ELFN1: variants seen among roughly 807,000 people sequenced by gnomAD.
The protein encoded by ELFN1 is protein ELFN1.
Under a neutral mutation model 7.6 loss-of-function variants are expected in ELFN1, and 6 were observed. The observed-to-expected ratio is 0.79, with a 90% CI of 0.43 to 1.56. The LOEUF is 1.56. Among genes scored for constraint, ELFN1 ranks in the 40% most tolerant of loss-of-function variants. The pLI is 0.01. For synonymous variants in ELFN1, 657 were observed against 588.1 expected, an observed-to-expected ratio of 1.12 and a Z score of -1.70; for missense variants, 1,169 against 1,232.2, an observed-to-expected ratio of 0.95 and a Z score of 0.77.
At chr7:1,674,091 AG>A in intron 1 of ELFN1, among the ~76,000 whole-genome samples, 1 of 147,052 alleles carries the variant, frequency 6.8e-6, no homozygotes, top group Non-Finnish European at 1.5e-5. Flanking sequence ...CCGGGCCGTG[AG>A]GGGTGCACAG....
rs948314759 is a variant in ELFN1 at position 1,740,372 on chromosome 7, G to A, written c.-293-3932G>A. Among the ~76,000 whole-genome samples the A allele has an allele frequency of 2.0e-5, 3 of 152,378 alleles. No homozygotes were observed. Among genetic ancestry groups the A allele is most frequent in the African/African-American group, 2.4e-5 (1 of 41,596 alleles). ...GGGGACCAGGGCTGGAGCTGGGTCTGTGAAGGACAGTAACGCCCATGCGGG... is the reference window on the plus strand; with the variant it reads ...GGGGACCAGGGCTGGAGCTGGGTCTATGAAGGACAGTAACGCCCATGCGGG... On this transcript the variant is annotated intron_variant, in intron 3 of 3. Transcript: ENST00000424383. The surrounding 1 kb of genome is among the most constrained non-coding windows in gnomAD (Gnocchi z 5.0).
upstream of ELFN1, among the ~76,000 whole-genome samples, chr7:1,669,836 G>C (rs945637977): frequency 6.6e-6 from 1 of 151,814 alleles, no homozygotes; most frequent in Admixed American, 6.6e-5. Context: ...CGGGTAGCTT[G>C]TTCAGCCAAC....
At chr7:1,717,780 G>T (rs1201725297) in intron 3 of ELFN1, among the ~76,000 whole-genome samples, 1 of 152,162 alleles carries the variant, frequency 6.6e-6, no homozygotes, top group African/African-American at 2.4e-5. Flanking sequence ...GGGATGGCCA[G>T]GGTGGGGCTG....
chr7:1,719,578 C>T (rs949950457), intron 3 of ELFN1, among the ~76,000 whole-genome samples: 3 of 152,310 alleles, frequency 2.0e-5, no homozygotes, highest in African/African-American at 7.2e-5. Flanking sequence ...CTACCTCAAC[C>T]GACAGAAGGA....
At chr7:1,700,153 C>T (rs772535007) in intron 2 of ELFN1, among the ~76,000 whole-genome samples, 4 of 152,114 alleles carry the variant, frequency 2.6e-5, no homozygotes, top group East Asian at 1.9e-4. Context: ...GTGAAAGGCC[C>T]GACATCCCCT....
chr7:1,679,465 G>A (rs939574255), intron 1 of ELFN1, among the ~76,000 whole-genome samples: 1 of 152,186 alleles, frequency 6.6e-6, no homozygotes, highest in Admixed American at 6.5e-5. Context: ...CCTGCTCTGG[G>A]GTCCCCTGCA....
In ELFN1 at chr7:1,745,733, C is replaced by T; in HGVS notation, c.1137C>T (p.Tyr379=). 1.9e-6 allele frequency: 3 copies of T among 1,551,420 alleles called. No individual in the cohort carries two copies. The highest frequency in any genetic ancestry group is 1.7e-6 in the Non-Finnish European group (2 of 1,147,076). The change falls in exon 4 of 4, where the codon TAC becomes TAT. Residue 379 remains tyrosine, a synonymous_variant. Transcript: ENST00000424383. The part of the protein sequence containing the change: ...TNLFTLTNYT[Y]CVVSTSAGLR... Reference sequence around the variant, plus strand: ...TGTTCACGCTCACCAACTACACCTACTGCGTGGTGTCCACCAGCGCCGGGC... The same window carrying T: ...TGTTCACGCTCACCAACTACACCTATTGCGTGGTGTCCACCAGCGCCGGGC...
At chr7:1,706,465 AAAAC>A in intron 2 of ELFN1, among the ~76,000 whole-genome samples, 1 of 150,200 alleles carries the variant, frequency 6.7e-6, no homozygotes, top group South Asian at 2.1e-4. Flanking sequence ...AAAACAAAAC[AAAAC>A]ACCCAGCAGT....
At chr7:1,723,965 T>C (rs949264072) in intron 3 of ELFN1, among the ~76,000 whole-genome samples, 1 of 152,164 alleles carries the variant, frequency 6.6e-6, no homozygotes, top group African/African-American at 2.4e-5. Context: ...CCCGGAAACA[T>C]GCCCACGCTG....
chr7:1,676,459 C>G (rs548345031), intron 1 of ELFN1, among the ~76,000 whole-genome samples: 1 of 152,242 alleles, frequency 6.6e-6, no homozygotes, highest in Non-Finnish European at 1.5e-5. Context: ...GAGCCTCGGC[C>G]TCTCCTCCGT....
intron 1 of ELFN1, among the ~76,000 whole-genome samples, chr7:1,671,573 AG>A (rs1778767959): frequency 6.6e-6 from 1 of 152,212 alleles, no homozygotes; most frequent in Non-Finnish European, 1.5e-5. Context: ...TGCCTCTCTC[AG>A]GGGCTGCCCC....
chr7:1,719,339 G>A (rs1186703943), intron 3 of ELFN1, among the ~76,000 whole-genome samples: 3 of 101,112 alleles, frequency 3.0e-5, no homozygotes, highest in African/African-American at 1.1e-4. Context: ...ACAGGGCCCC[G>A]CCCACCAACA....
intron 1 of ELFN1, among the ~76,000 whole-genome samples, chr7:1,677,850 G>A (rs1778901505): frequency 6.6e-6 from 1 of 152,086 alleles, no homozygotes; most frequent in South Asian, 2.1e-4. Context: ...GCTCCCGCGG[G>A]TTCCTGGTGG....
rs145908535 is a variant in ELFN1 at position 1,739,656 on chromosome 7, A to G, written c.-293-4648A>G. 2.8e-4 allele frequency: 44 copies of G among 154,902 alleles called. No homozygotes were observed. The highest frequency in any genetic ancestry group is 5.4e-4 in the Non-Finnish European group (38 of 69,796). 9.6% of individuals were successfully genotyped at this position (154,902 alleles called of 1,614,324 possible). On this transcript the variant is annotated intron_variant, in intron 3 of 3. Transcript: ENST00000424383. This position sits in a 1 kb window ranked among gnomAD's most constrained non-coding sequence, Gnocchi z 4.6. ...GTGGGGAAGGTGAAGGAGGCTGGAC[A>G]GAGAGGGCGGTGGCTGGGATGCTGG...
In ELFN1 at chr7:1,673,860, C is replaced by T. The variant is rs971204441; in HGVS notation, c.-549+3506C>T. Reference sequence around the variant, plus strand: ...AGCTGGAGCTGTGGCTGGACCAGGCCTCCACACCTGTAGAGCTGTCCTGGG... The same window carrying T: ...AGCTGGAGCTGTGGCTGGACCAGGCTTCCACACCTGTAGAGCTGTCCTGGG... On this transcript the variant is annotated intron_variant, in intron 1 of 3. Coordinates refer to ENST00000424383, the MANE Select transcript of ELFN1 (RefSeq NM_001128636.4). This position sits in a 1 kb window ranked among gnomAD's most constrained non-coding sequence, Gnocchi z 4.7. 6.6e-6 allele frequency among the ~76,000 whole-genome samples: 1 copy of T among 152,228 alleles called. No homozygotes were observed. Among genetic ancestry groups the T allele is most frequent in the African/African-American group, 2.4e-5 (1 of 41,454 alleles).
At chr7:1,728,696 G>C (rs1780259242) in intron 3 of ELFN1, among the ~76,000 whole-genome samples, 1 of 152,316 alleles carries the variant, frequency 6.6e-6, no homozygotes, top group African/African-American at 2.4e-5. Flanking sequence ...GGAACCCCAG[G>C]GTGATGTTAG....
chr7:1,706,194 G>T (rs1779526934), intron 2 of ELFN1, among the ~76,000 whole-genome samples: 1 of 152,226 alleles, frequency 6.6e-6, no homozygotes, highest in Non-Finnish European at 1.5e-5. Context: ...AGAGGCCGAG[G>T]TGGGTGGATC....
At position 1,743,472 on chromosome 7, in the gene ELFN1, A is replaced by G. The variant is rs1020724837; in HGVS notation, c.-293-832A>G. ...AGAAGGGAGGTGGCCCCTATCCACC[A>G]AGGTGAGGTGCAGACAGTGCCAAGT... On this transcript the variant is annotated intron_variant, in intron 3 of 3. Coordinates refer to ENST00000424383, the MANE Select transcript of ELFN1 (RefSeq NM_001128636.4). Among the ~76,000 whole-genome samples, 110 of 152,292 alleles carry G rather than the reference A, an allele frequency of 7.2e-4. 1 individual carries two copies. Among genetic ancestry groups the G allele is most frequent in the African/African-American group, 2.5e-3 (104 of 41,562 alleles).
intron 3 of ELFN1, among the ~76,000 whole-genome samples, chr7:1,725,933 C>T (rs1167816601): frequency 6.7e-6 from 1 of 150,298 alleles, no homozygotes; most frequent in South Asian, 2.1e-4. Context: ...CACCCTCGCA[C>T]TCACAAATAC....
Sources: gnomAD v4.1 joint callset for allele counts (sites outside exome capture counted in the v4.1 genomes callset) on GRCh38, gnomAD v4.1.1 for gene constraint, Gnocchi (gnomAD v3.1) non-coding constraint, MANE v1.5 for transcripts, NCBI Gene and HGNC (gene_info 2026-07-23, HGNC 2026-07-21) for gene names.